Variants in HERC2 observed in about 807,000 individuals in gnomAD.
The protein encoded by HERC2 is HECT and RLD domain containing E3 ubiquitin protein ligase 2, also known as E3 ubiquitin-protein ligase HERC2.
A neutral mutation model predicts 537.7 loss-of-function variants in HERC2; 102 were observed. The observed-to-expected ratio is 0.19, with a 90% CI of 0.16 to 0.22. The LOEUF (loss-of-function observed/expected upper bound fraction) is 0.22. Among genes scored for constraint, HERC2 ranks in the 10% least tolerant of loss-of-function variants. The pLI is 1.00. For missense variants in HERC2, 4,236 were observed against 6,198.2 expected (o/e 0.68, Z 10.63); for synonymous variants, 2,224 against 2,466.2 (o/e 0.90, Z 2.91).
At chr15:28,261,052 C>A in intron 15 of HERC2, 82 bp from the exon 16 acceptor site, 1 of 1,015,362 alleles carries the variant, frequency 9.8e-7, no homozygotes, top group South Asian at 1.6e-5. Flanking sequence ...CCATTCAGGT[C>A]AGACAGCTTT....
chr15:28,245,917 C>T lies in HERC2; in HGVS notation c.3541G>A (p.Asp1181Asn). Reference sequence around the variant, plus strand: ...GGCCAGGCTAACTCTTCATGATCATCCCGTTCCTTTCCTGGTGCCAGATGG... The same window carrying T: ...GGCCAGGCTAACTCTTCATGATCATTCCGTTCCTTTCCTGGTGCCAGATGG... ...FNHLAPGKERDDHEELAWPGI... is the reference protein window; with the variant it reads ...FNHLAPGKERNDHEELAWPGI... Residue 1181 changes from aspartate to asparagine, a missense_variant, in exon 23 of 93, where the codon GAT becomes AAT. Asp to Asn is a conservative substitution (Grantham distance 23). Coordinates refer to ENST00000261609, the MANE Select transcript of HERC2 (RefSeq NM_004667.6). 6.2e-7 allele frequency: 1 copy of T among 1,614,104 alleles called. No homozygotes were observed. The highest frequency in any genetic ancestry group is 8.5e-7 in the Non-Finnish European group (1 of 1,180,020).
chr15:28,152,821 T>A lies in HERC2; in HGVS notation c.10756A>T (p.Met3586Leu), dbSNP rs1377700326. Residue 3586 changes from methionine (M) to leucine (L), a missense_variant, in exon 70 of 93, where the codon ATG becomes TTG. By Grantham distance (15) the Met-to-Leu change is conservative. Around this residue, in one of 27 missense-constraint regions of HERC2, gnomAD observed 356 missense variants for 450.9 expected, o/e 0.79. Transcript: ENST00000261609. ...TCGGTGACACAGAGCTCCAACAGCA[T>A]ATCTGCCACCTGGAGAGGAAGCAAG... Reference protein sequence around the residue: ...MGTAYPQVADMLLELCVTELE... With the variant: ...MGTAYPQVADLLLELCVTELE... 1 of 1,562,104 alleles carries A rather than the reference T, an allele frequency of 6.4e-7. No individual in the cohort carries two copies. The highest frequency in any genetic ancestry group is 1.4e-5 in the African/African-American group (1 of 73,480).
chr15:28,276,206 A>C (rs2075869428), intron 5 of HERC2, among the ~76,000 whole-genome samples: 1 of 150,992 alleles, frequency 6.6e-6, no homozygotes, highest in Non-Finnish European at 1.5e-5. Context: ...AAAAAAAAAA[A>C]AAAAAAAAAA....
chr15:28,280,440 CA>C lies in HERC2; in HGVS notation c.323-154del, dbSNP rs531403228. On this transcript the variant is annotated intron_variant, in intron 4 of 92. Transcript: ENST00000261609. The stretch of plus-strand genomic sequence containing the variant: ...ACCACTTTACACACATGAGCTCAGG[CA>C]ACCCTCACACCCAGCACTGTCAAGC... 1.2e-3 allele frequency among the ~76,000 whole-genome samples: 187 copies of C among 152,308 alleles called. 1 individual carries two copies. The highest frequency in any genetic ancestry group is 4.3e-3 in the African/African-American group (179 of 41,566).
intron 12 of HERC2, 78 bp from the exon 13 acceptor site, chr15:28,266,052 C>T: frequency 2.0e-6 from 3 of 1,502,704 alleles, no homozygotes; most frequent in Non-Finnish European, 2.7e-6. Flanking sequence ...AGGAAATTCA[C>T]TATCCAAATT....
At position 28,202,393 on chromosome 15, in the gene HERC2, G is replaced by C; in HGVS notation, c.7434C>G (p.Ala2478=). 1 of 1,613,392 alleles carries C rather than the reference G, an allele frequency of 6.2e-7. No homozygotes were observed. ...MGFSRRNIEF[A]LKSLTGASGN... is the part of the protein sequence containing the mutation. Reference sequence around the variant, plus strand: ...CGGAAGCACCAGTGAGAGACTTCAGGGCAAACTCGATGTTCCTTCTGGAAA... The same window carrying C: ...CGGAAGCACCAGTGAGAGACTTCAGCGCAAACTCGATGTTCCTTCTGGAAA... The change falls in exon 46 of 93, where the codon GCC becomes GCG. Residue 2478 remains alanine (A), a synonymous_variant. Transcript: ENST00000261609.
Position 28,245,974 on chromosome 15 carries a change from C to G in HERC2, c.3484G>C (p.Gly1162Arg). The G allele has an allele frequency of 6.2e-7, 1 of 1,614,038 alleles. No individual in the cohort carries two copies. The highest frequency in any genetic ancestry group is 8.5e-7 in the Non-Finnish European group (1 of 1,179,956). Reference sequence around the variant, plus strand: ...CGATCCAGATGTTCCAACAGGCCACCCAGCAGAGGTACAGCTCCAGCCTCT... The same window carrying G: ...CGATCCAGATGTTCCAACAGGCCACGCAGCAGAGGTACAGCTCCAGCCTCT... Reference protein sequence around the residue: ...MQEAGAVPLLGGLLEHLDRFN... With the variant: ...MQEAGAVPLLRGLLEHLDRFN... Residue 1162 changes from glycine (G) to arginine (R), a missense_variant, in exon 23 of 93, where the codon GGT becomes CGT. Physicochemically the swap from Gly to Arg is moderately radical, Grantham distance 125 (BLOSUM62 -2). This residue lies in a region of HERC2 where 754 missense variants were observed against 1,085.0 expected (regional missense o/e 0.69). Coordinates refer to ENST00000261609, the MANE Select transcript of HERC2 (RefSeq NM_004667.6).
At chr15:28,128,411 A>T (rs1011365907) in intron 83 of HERC2, among the ~76,000 whole-genome samples, 1 of 152,202 alleles carries the variant, frequency 6.6e-6, no homozygotes, top group Non-Finnish European at 1.5e-5. Flanking sequence ...GTTCTAGGTA[A>T]TGTACTTCCA....
At chr15:28,256,401 A>C (rs951435266) in intron 17 of HERC2, 84 bp from the exon 18 acceptor site, 1 of 894,854 alleles carries the variant, frequency 1.1e-6, no homozygotes, top group Admixed American at 2.7e-5. Context: ...ATAAAAGTCA[A>C]TTTCAAGTAT....
intron 79 of HERC2, 136 bp from the exon 80 acceptor site, chr15:28,132,966 A>C: frequency 1.4e-6 from 1 of 725,682 alleles, no homozygotes; most frequent in Non-Finnish European, 2.1e-6. Context: ...TTCAGACCTA[A>C]ACTCAAAAGT....
chr15:28,153,403 A>G (rs1892657898), intron 69 of HERC2, among the ~76,000 whole-genome samples: 1 of 151,722 alleles, frequency 6.6e-6, no homozygotes, highest in South Asian at 2.1e-4. Flanking sequence ...CTTGTAATAC[A>G]AGCACTTTGG....
chr15:28,116,265 G>C (rs529480306), intron 88 of HERC2, among the ~76,000 whole-genome samples: 1 of 149,106 alleles, frequency 6.7e-6, no homozygotes, highest in Admixed American at 6.7e-5. Flanking sequence ...CCAGGCTGGA[G>C]TGCAATGGTA....
intron 69 of HERC2, among the ~76,000 whole-genome samples, chr15:28,159,861 T>A (rs1893395887): frequency 6.6e-6 from 1 of 152,210 alleles, no homozygotes; most frequent in African/African-American, 2.4e-5. Context: ...ATCTTTGTGG[T>A]TTTATCTACC....
At chr15:28,168,178 C>T (rs1361047301) in intron 67 of HERC2, among the ~76,000 whole-genome samples, 2 of 152,114 alleles carry the variant, frequency 1.3e-5, no homozygotes, top group African/African-American at 4.8e-5. Flanking sequence ...TTCAGAATTG[C>T]AGATAAAGGA....
rs745888837 is a variant in HERC2 at position 28,177,084 on chromosome 15, G to A, written c.9298C>T (p.Arg3100Cys). The A allele has an allele frequency of 3.1e-6, 5 of 1,613,596 alleles. No individual in the cohort carries two copies. The highest frequency in any genetic ancestry group is 4.2e-6 in the Non-Finnish European group (5 of 1,179,562). Residue 3100 changes from arginine (R) to cysteine (C), a missense_variant, in exon 61 of 93, where the codon CGT becomes TGT. Coordinates refer to ENST00000261609, the MANE Select transcript of HERC2 (RefSeq NM_004667.6). The surrounding 1 kb of genome is among the most constrained non-coding windows in gnomAD (Gnocchi z 5.0). ...CTCCCACAGGCGATATCCCGGATAC[G>A]CTTGGTTTTCAGGGCCTCGATCAGC... The part of the protein sequence containing the change: ...PRLIEALKTK[R>C]IRDIACGSSH...
intron 79 of HERC2, 75 bp from the exon 80 acceptor site, chr15:28,132,905 C>T (rs1890250625): frequency 9.3e-7 from 1 of 1,080,868 alleles, no homozygotes; most frequent in Admixed American, 3.0e-5. Context: ...AAATACCTCT[C>T]AATCTACACC....
chr15:28,251,762 C>T (rs1424969201), intron 20 of HERC2, among the ~76,000 whole-genome samples: 7 of 151,386 alleles, frequency 4.6e-5, no homozygotes, highest in South Asian at 4.2e-4. Context: ...ATTATGCAAC[C>T]GCACTCCAGC....
chr15:28,209,877 C>CAGT (rs1898947793), intron 44 of HERC2, among the ~76,000 whole-genome samples: 1 of 146,240 alleles, frequency 6.8e-6, no homozygotes, highest in African/African-American at 2.5e-5. Context: ...TTGGTGTCTA[C>CAGT]AGTTTTTCAA....
intron 74 of HERC2, 106 bp from the exon 75 acceptor site, chr15:28,143,058 T>TA (rs1013796518): frequency 7.9e-6 from 7 of 886,346 alleles, no homozygotes; most frequent in African/African-American, 3.5e-5. Flanking sequence ...CTAACTCTTC[T>TA]AAAAAAACTA....
Sources: gnomAD v4.1 joint callset for allele counts (sites outside exome capture counted in the v4.1 genomes callset) on GRCh38, gnomAD v4.1.1 for gene constraint, gnomAD v4.1.1 regional missense constraint, Gnocchi (gnomAD v3.1) non-coding constraint, MANE v1.5 for transcripts, NCBI Gene and HGNC (gene_info 2026-07-23, HGNC 2026-07-21) for gene names.